The following ECM2 variants were observed in gnomAD, a reference collection of about 807,000 sequenced individuals.
ECM2 encodes the protein extracellular matrix protein 2, female organ and adipocyte specific.
ECM2 carries 57 observed loss-of-function variants against 67.5 expected under a neutral mutation model. The observed-to-expected ratio is 0.84, with a 90% CI of 0.68 to 1.05. The LOEUF is 1.05. Among genes scored for constraint, ECM2 ranks in the 50% least tolerant of loss-of-function variants. The pLI, the probability that ECM2 is intolerant of heterozygous loss-of-function variation, is 0.00. For synonymous variants in ECM2, 258 were observed against 294.5 expected, an observed-to-expected ratio of 0.88 and a Z score of 1.27; for missense variants, 741 against 822.8, an observed-to-expected ratio of 0.90 and a Z score of 1.22.
At chr9:92,525,645 C>T (rs942865811) in intron 1 of ECM2, among the ~76,000 whole-genome samples, 1 of 152,148 alleles carries the variant, frequency 6.6e-6, no homozygotes, top group African/African-American at 2.4e-5. Flanking sequence ...AATCCCAGCA[C>T]TTTGGGAGGC....
At chr9:92,525,061 C>T (rs1035265266) in intron 1 of ECM2, among the ~76,000 whole-genome samples, 1 of 152,130 alleles carries the variant, frequency 6.6e-6, no homozygotes, top group Non-Finnish European at 1.5e-5. Context: ...CCTGTAATCC[C>T]AGCCCTATAG....
intron 4 of ECM2, 58 bp downstream of exon 4, chr9:92,514,573 C>A: frequency 6.6e-7 from 1 of 1,519,472 alleles, no homozygotes; most frequent in Non-Finnish European, 8.8e-7. Context: ...CCGTGCCCAG[C>A]TGCTAAGAGT....
chr9:92,551,467 G>A, the ECM2 span, among the ~76,000 whole-genome samples: 1 of 151,966 alleles, frequency 6.6e-6, no homozygotes, highest in Non-Finnish European at 1.5e-5. Context: ...CCTGTCAAAT[G>A]TCTGGGACTA....
the ECM2 span, among the ~76,000 whole-genome samples, chr9:92,551,526 G>A: frequency 6.6e-6 from 1 of 151,796 alleles, no homozygotes; most frequent in South Asian, 2.1e-4. Context: ...TTATTTTATT[G>A]TTTTATTTTT....
At chr9:92,557,786 G>T in the ECM2 span, among the ~76,000 whole-genome samples, 1 of 152,080 alleles carries the variant, frequency 6.6e-6, no homozygotes, top group South Asian at 2.1e-4. Flanking sequence ...GGGACTACAA[G>T]TATGCACCAC....
intron 1 of ECM2, among the ~76,000 whole-genome samples, chr9:92,527,779 A>G (rs1387916375): frequency 6.6e-6 from 1 of 152,056 alleles, no homozygotes; most frequent in Non-Finnish European, 1.5e-5. Context: ...GGTAGTAGCA[A>G]ACATATGGCT....
chr9:92,550,494 TTAAAA>T, the ECM2 span, among the ~76,000 whole-genome samples: 19 of 152,124 alleles, frequency 1.2e-4, no homozygotes, highest in Non-Finnish European at 2.2e-4. Flanking sequence ...TTTTTGAGAA[TTAAAA>T]TAAACTGTAA....
At chr9:92,533,599 A>G (rs1021716499) in intron 1 of ECM2, among the ~76,000 whole-genome samples, 1 of 151,806 alleles carries the variant, frequency 6.6e-6, no homozygotes, top group Admixed American at 6.6e-5. Flanking sequence ...TATTCTCAGC[A>G]GGTCTAATGA....
Position 92,500,925 on chromosome 9 carries a change from TG to T in ECM2, c.1732del (p.His578ThrfsTer33). On this transcript the variant is annotated frameshift_variant, in exon 9 of 10. Transcript: ENST00000344604. LOFTEE classifies it high-confidence loss of function. ...CAAGTATTCCAGGCCTGGTTCCATG[TG>T]GCCAAACACATAGCCAGGGATCCGT... ...IERIPGYVFG[H>X]MEPGLEYLYL... 1 of 1,614,208 alleles carries T rather than the reference TG, an allele frequency of 6.2e-7. No homozygotes were observed. Among genetic ancestry groups the T allele is most frequent in the Non-Finnish European group, 8.5e-7 (1 of 1,180,034 alleles).
intron 1 of ECM2, among the ~76,000 whole-genome samples, chr9:92,532,803 T>A (rs1056341666): frequency 6.6e-6 from 1 of 152,168 alleles, no homozygotes; most frequent in Non-Finnish European, 1.5e-5. Context: ...GGATCCTCTA[T>A]GTGTCTATTT....
At chr9:92,493,600 A>C (rs557264915), downstream of ECM2, 4 of 152,770 alleles carry the variant, frequency 2.6e-5, no homozygotes, top group African/African-American at 9.6e-5. Flanking sequence ...GTGTGTTAGT[A>C]ATTATAGTGT....
At chr9:92,501,145 A>G (rs1846649535) in intron 8 of ECM2, 92 bp from the exon 9 acceptor site, 18 of 1,294,190 alleles carry the variant, frequency 1.4e-5, no homozygotes, top group South Asian at 8.7e-5. Context: ...ATGCTGGTCC[A>G]TTTTCCTATA....
intron 9 of ECM2, among the ~76,000 whole-genome samples, chr9:92,497,406 C>T (rs1177529389): frequency 6.6e-6 from 1 of 152,078 alleles, no homozygotes; most frequent in Non-Finnish European, 1.5e-5. Context: ...GGGTGGATCA[C>T]CTGAGGTCAG....
chr9:92,537,352 G>T (rs1849206796), upstream of ECM2, among the ~76,000 whole-genome samples: 1 of 152,078 alleles, frequency 6.6e-6, no homozygotes, highest in South Asian at 2.1e-4. Context: ...TAAGGAAAAT[G>T]ATATCTATTT....
chr9:92,505,713 A>G (rs201898816), intron 6 of ECM2, 23 bp from the exon 7 acceptor site: 68 of 1,525,872 alleles, frequency 4.5e-5, no homozygotes, highest in Middle Eastern at 3.5e-4. Flanking sequence ...AAAGTATTAG[A>G]ATATTAGGAT....
At chr9:92,547,380 A>G in the ECM2 span, among the ~76,000 whole-genome samples, 9 of 152,230 alleles carry the variant, frequency 5.9e-5, no homozygotes, top group African/African-American at 2.2e-4. Flanking sequence ...TATTCATAAC[A>G]GCTAAAATTT....
At chr9:92,548,556 A>T in the ECM2 span, among the ~76,000 whole-genome samples, 1 of 152,254 alleles carries the variant, frequency 6.6e-6, no homozygotes, top group African/African-American at 2.4e-5. Context: ...AATAAAAACA[A>T]GTTATACTGC....
At chr9:92,543,837 T>C in the ECM2 span, among the ~76,000 whole-genome samples, 1 of 152,204 alleles carries the variant, frequency 6.6e-6, no homozygotes, top group Admixed American at 6.5e-5. Flanking sequence ...CTTTTTCATG[T>C]AGTTTAGTTA....
chr9:92,540,435 CAAA>C (rs35325216), upstream of ECM2, among the ~76,000 whole-genome samples: 4 of 117,694 alleles, frequency 3.4e-5, no homozygotes, highest in East Asian at 8.5e-4. Context: ...GAGACTGTCT[CAAA>C]AAAAAAAAAA....
Sources: allele counts gnomAD v4.1 joint callset (sites outside exome capture counted in the v4.1 genomes callset), GRCh38; gene constraint gnomAD v4.1.1; transcripts MANE v1.5; gene names NCBI Gene and HGNC (gene_info 2026-07-23, HGNC 2026-07-21).